Variants in NECTIN3 observed in about 807,000 individuals in gnomAD.
NECTIN3 encodes the protein nectin cell adhesion molecule 3, also known as nectin-3.
In NECTIN3, 8 loss-of-function variants were observed where a neutral mutation model predicts 49.4. The observed-to-expected ratio is 0.16, with a 90% CI of 0.10 to 0.29. The LOEUF is 0.29. Among genes scored for constraint, NECTIN3 ranks in the 10% least tolerant of loss-of-function variants. The pLI is 1.00. For synonymous variants in NECTIN3, 277 were observed against 241.1 expected (o/e 1.15, Z -1.38); for missense variants, 581 against 654.6 (o/e 0.89, Z 1.23).
intron 7 of NECTIN3, among the ~76,000 whole-genome samples, chr3:111,186,286 C>T (rs1283555516): frequency 1.3e-5 from 2 of 152,084 alleles, no homozygotes; most frequent in Non-Finnish European, 2.9e-5. Flanking sequence ...CTAGAGGCAT[C>T]ATGTTAACCC....
intron 2 of NECTIN3, among the ~76,000 whole-genome samples, chr3:111,114,917 T>G (rs971042829): frequency 2.0e-5 from 3 of 152,136 alleles, no homozygotes; most frequent in Non-Finnish European, 4.4e-5. Flanking sequence ...ACGGCAGGAC[T>G]TAAGTATGCA....
intron 1 of NECTIN3, chr3:111,072,460 C>T (rs2030845204): frequency 1.3e-6 from 2 of 1,535,330 alleles, no homozygotes; most frequent in Non-Finnish European, 1.7e-6. Flanking sequence ...CGCCGAACTC[C>T]GGGTTTGCTC....
chr3:111,087,421 G>A (rs1348103216), intron 1 of NECTIN3, among the ~76,000 whole-genome samples: 1 of 152,156 alleles, frequency 6.6e-6, no homozygotes, highest in African/African-American at 2.4e-5. Context: ...GGGAGACCAA[G>A]GCTGGCGTAT....
At chr3:111,120,932 A>G (rs887953826) in intron 3 of NECTIN3, among the ~76,000 whole-genome samples, 5 of 151,870 alleles carry the variant, frequency 3.3e-5, no homozygotes, top group Admixed American at 2.6e-4. Flanking sequence ...TATTACTATT[A>G]GAATATAAAT....
intron 7 of NECTIN3, among the ~76,000 whole-genome samples, chr3:111,172,345 A>G (rs553802908): frequency 3.9e-5 from 6 of 152,300 alleles, no homozygotes; most frequent in South Asian, 4.1e-4. Flanking sequence ...TACTATGTTA[A>G]GATATATATG....
chr3:111,090,534 A>G (rs1005765713), intron 1 of NECTIN3, among the ~76,000 whole-genome samples: 1 of 148,388 alleles, frequency 6.7e-6, no homozygotes, highest in Non-Finnish European at 1.5e-5. Context: ...TCTTATCCTC[A>G]TTCTGCCGTT....
chr3:111,152,277 G>A (rs1281751352), intron 7 of NECTIN3, among the ~76,000 whole-genome samples: 17 of 151,938 alleles, frequency 1.1e-4, no homozygotes, highest in Non-Finnish European at 2.5e-4. Flanking sequence ...ACATCAAACA[G>A]TAAATGTATT....
intron 4 of NECTIN3, among the ~76,000 whole-genome samples, chr3:111,123,638 G>A (rs72937920): frequency 0.039 from 5,996 of 152,142 alleles, 406 homozygotes; most frequent in African/African-American, 0.14. Context: ...CTGTTGTTCT[G>A]TTGTGTATCT....
chr3:111,140,006 A>AT (rs1317222187), downstream of NECTIN3, among the ~76,000 whole-genome samples: 2 of 151,790 alleles, frequency 1.3e-5, no homozygotes, highest in African/African-American at 4.8e-5. Flanking sequence ...TTCTTCATGC[A>AT]TTTTTTATTT....
rs1559802361 is a variant in NECTIN3, at chr3:111,135,992, A to T, written c.*1777A>T. The T allele has an allele frequency of 1.0e-6, 1 of 957,834 alleles. No individual in the cohort carries two copies. Among genetic ancestry groups the T allele is most frequent in the East Asian group, 1.2e-4 (1 of 8,682 alleles). The allele number at this position is 957,834 out of a possible 1,614,324, so 59.3% of individuals were successfully genotyped here. A position where few individuals can be genotyped will look rare whatever the true frequency, so the allele number is the denominator to read the frequency against. ...AATATGGTTAATCACTTATATACAA[A>T]TATTACAACTTTTTAGTGCAAGTTT... On this transcript the variant is annotated 3_prime_UTR_variant, in exon 6 of 6. Coordinates refer to ENST00000485303, the MANE Select transcript of NECTIN3 (RefSeq NM_015480.3).
chr3:111,101,987 T>C (rs1473608320), intron 1 of NECTIN3, among the ~76,000 whole-genome samples: 2 of 152,168 alleles, frequency 1.3e-5, no homozygotes, highest in Non-Finnish European at 2.9e-5. Context: ...ATAGCTTAAA[T>C]GTCACATCTA....
At position 111,118,606 on chromosome 3, in the gene NECTIN3, A is replaced by G. The variant is rs1337917154; in HGVS notation, c.503-50A>G. On this transcript the variant is annotated intron_variant, in intron 2 of 5. Transcript: ENST00000485303. Reference sequence around the variant, plus strand: ...TTTAGATGTGACTTGGAAAGATATAAACATATTCTTGTTTGAATGTAACTA... The same window carrying G: ...TTTAGATGTGACTTGGAAAGATATAGACATATTCTTGTTTGAATGTAACTA... 4 of 1,427,982 alleles carry G rather than the reference A, an allele frequency of 2.8e-6. No individual in the cohort carries two copies. In the Admixed American group the frequency reaches 7.7e-5, roughly 27 times the overall value. The allele number at this position is 1,427,982 out of a possible 1,614,324, so 88.5% of individuals were successfully genotyped here.
rs890201955 is a variant in NECTIN3, at chr3:111,137,118, G to T, written c.*2903G>T. On this transcript the variant is annotated 3_prime_UTR_variant, in exon 6 of 6. Coordinates refer to ENST00000485303, the MANE Select transcript of NECTIN3 (RefSeq NM_015480.3). ...CAGTGTATAAGTACAGAAATTGAGAGAAATGTAGTCATTTTATATGTGAAA... is the reference window on the plus strand; with the variant it reads ...CAGTGTATAAGTACAGAAATTGAGATAAATGTAGTCATTTTATATGTGAAA... 2.0e-6 allele frequency: 2 copies of T among 977,620 alleles called. No homozygotes were observed. The highest frequency in any genetic ancestry group is 2.4e-6 in the Non-Finnish European group (2 of 823,176). 60.6% of individuals were successfully genotyped at this position (977,620 alleles called of 1,614,324 possible).
At position 111,098,137 on chromosome 3, in the gene NECTIN3, A is replaced by G. The variant is rs115197899; in HGVS notation, c.161-13893A>G. Among the ~76,000 whole-genome samples the G allele has an allele frequency of 3.4e-3, 511 of 152,340 alleles. 2 individuals carry two copies. Among genetic ancestry groups the G allele is most frequent in the African/African-American group, 0.012 (491 of 41,584 alleles). On this transcript the variant is annotated intron_variant, in intron 1 of 5. Transcript: ENST00000485303. ...GTAAAGTTATCTGGATTTAGAACAG[A>G]GAAGAAAAAAATACATCTAAACTAA... is the stretch of plus-strand genomic sequence containing the variant.
At chr3:111,097,504 A>G (rs2032658608) in intron 1 of NECTIN3, among the ~76,000 whole-genome samples, 1 of 152,120 alleles carries the variant, frequency 6.6e-6, no homozygotes, top group Non-Finnish European at 1.5e-5. Flanking sequence ...CAGAGATGGA[A>G]TGATATGGTT....
Position 111,166,069 on chromosome 3 carries a change from C to T in NECTIN3, c.1221+18585C>T, listed in dbSNP as rs143784124. Among the ~76,000 whole-genome samples the T allele has an allele frequency of 2.0e-4, 30 of 152,188 alleles. No individual in the cohort carries two copies. In the East Asian group the frequency reaches 5.0e-3, roughly 26 times the overall value. ...AACAACAAGTTGATTGCTACATGCC[C>T]GAGGTCTGCTGCAAGTTTTGGTGAT... On this transcript the variant is annotated intron_variant, in intron 7 of 8. Transcript: ENST00000493615.
chr3:111,192,494 A>G (rs1314412666), intron 1 of NECTIN3: 16 of 1,300,302 alleles, frequency 1.2e-5, no homozygotes, highest in Non-Finnish European at 1.5e-5. Context: ...AATTGTATAC[A>G]AGTTCATTTT....
chr3:111,122,078 A>C, intron 3 of NECTIN3, 43 bp from the exon 4 acceptor site: 2 of 1,299,500 alleles, frequency 1.5e-6, no homozygotes, highest in Non-Finnish European at 1.1e-6. Context: ...TGCATTTATC[A>C]TTAACAAAAG....
chr3:111,147,357 T>G, intron 6 of NECTIN3: 2 of 1,361,122 alleles, frequency 1.5e-6, no homozygotes, highest in Non-Finnish European at 2.0e-6. Context: ...GCTTTTTTTT[T>G]TTTTCCTAAA....
Sources: gnomAD v4.1 joint callset for allele counts (sites outside exome capture counted in the v4.1 genomes callset) on GRCh38, gnomAD v4.1.1 for gene constraint, MANE v1.5 for transcripts, NCBI Gene and HGNC (gene_info 2026-07-23, HGNC 2026-07-21) for gene names.